ERC2: variants seen among roughly 807,000 people sequenced by gnomAD.
The protein encoded by ERC2 is ERC protein 2.
A neutral mutation model predicts 114.8 loss-of-function variants in ERC2; 42 were observed. The observed-to-expected ratio is 0.37, with a 90% CI of 0.29 to 0.47. The LOEUF (loss-of-function observed/expected upper bound fraction) is 0.47, where lower values mean the gene tolerates loss of function less well. Ranked by LOEUF, ERC2 falls within the 20% of genes least tolerant of loss-of-function variation. The pLI is 0.99. For missense variants in ERC2, 939 were observed against 1,150.7 expected (o/e 0.82, Z 2.66); for synonymous variants, 454 against 425.5 (o/e 1.07, Z -0.82).
chr3:55,950,677 T>A, intron 12 of ERC2, 117 bp from the exon 13 acceptor site: 1 of 1,095,768 alleles, frequency 9.1e-7, no homozygotes, highest in Non-Finnish European at 1.3e-6. Flanking sequence ...GGGAAAAAGA[T>A]GATACTTCTG....
chr3:56,142,244 C>T (rs902571252), intron 5 of ERC2, among the ~76,000 whole-genome samples: 1 of 152,112 alleles, frequency 6.6e-6, no homozygotes, highest in Non-Finnish European at 1.5e-5. Context: ...ATCCTTATAT[C>T]AATAGCATTT....
intron 3 of ERC2, among the ~76,000 whole-genome samples, chr3:56,233,637 A>G (rs556257829): frequency 1.3e-4 from 19 of 151,140 alleles, no homozygotes; most frequent in East Asian, 3.9e-4. Flanking sequence ...AAAAAAAAAC[A>G]TTTTTGCTCT....
At chr3:55,961,406 A>G (rs2068353153) in intron 12 of ERC2, among the ~76,000 whole-genome samples, 1 of 152,134 alleles carries the variant, frequency 6.6e-6, no homozygotes, top group Non-Finnish European at 1.5e-5. Context: ...TGGCCTATCA[A>G]GAAATTTAGG....
intron 15 of ERC2, among the ~76,000 whole-genome samples, chr3:55,733,035 T>C (rs902631807): frequency 6.6e-6 from 1 of 152,154 alleles, no homozygotes; most frequent in African/African-American, 2.4e-5. Context: ...CAGTGGTACT[T>C]GGCCGTAATA....
chr3:56,030,893 G>A (rs1197527915), intron 7 of ERC2, among the ~76,000 whole-genome samples: 1 of 152,194 alleles, frequency 6.6e-6, no homozygotes, highest in Non-Finnish European at 1.5e-5. Flanking sequence ...AGGCAGTGCA[G>A]CATGGGGAGA....
chr3:55,953,932 C>G (rs1327105746), intron 12 of ERC2, among the ~76,000 whole-genome samples: 1 of 152,032 alleles, frequency 6.6e-6, no homozygotes, highest in African/African-American at 2.4e-5. Context: ...GTACAGCTTT[C>G]AAATGTCTCC....
chr3:55,724,112 CA>C (rs147986547), intron 15 of ERC2, among the ~76,000 whole-genome samples: 5,034 of 152,262 alleles, frequency 0.033, 265 homozygotes, highest in African/African-American at 0.11. Context: ...GAATGAAACA[CA>C]AAGGCTGCAG....
intron 14 of ERC2, among the ~76,000 whole-genome samples, chr3:55,756,936 A>G (rs922361322): frequency 1.3e-5 from 2 of 152,190 alleles, no homozygotes; most frequent in African/African-American, 2.4e-5. Flanking sequence ...AAAAAAAAGT[A>G]TACCCAAATC....
chr3:56,037,347 G>A (rs6762725), intron 7 of ERC2, among the ~76,000 whole-genome samples: 179 of 152,314 alleles, frequency 1.2e-3, no homozygotes, highest in African/African-American at 4.2e-3. Context: ...CCGGTTTAGA[G>A]AGGAACATAA....
chr3:55,842,345 C>G (rs756622213), intron 14 of ERC2, among the ~76,000 whole-genome samples: 2 of 152,102 alleles, frequency 1.3e-5, no homozygotes, highest in Non-Finnish European at 2.9e-5. Context: ...TGAGCTGAGA[C>G]AAGCTTACAA....
chr3:56,027,597 T>G (rs1052300063), intron 7 of ERC2, among the ~76,000 whole-genome samples: 2 of 152,242 alleles, frequency 1.3e-5, no homozygotes, highest in Admixed American at 1.3e-4. Context: ...TTCATGTGCT[T>G]ATTTACTGTC....
chr3:55,600,490 T>C (rs1452259770), intron 17 of ERC2, among the ~76,000 whole-genome samples: 1 of 152,184 alleles, frequency 6.6e-6, no homozygotes, highest in Admixed American at 6.5e-5. Context: ...GGGGGAAACA[T>C]TCACGTCTGC....
intron 17 of ERC2, among the ~76,000 whole-genome samples, chr3:55,537,681 A>G (rs2054088481): frequency 1.3e-5 from 2 of 152,222 alleles, no homozygotes; most frequent in African/African-American, 4.8e-5. Flanking sequence ...AAGAAATCAT[A>G]AGCTGTCTTG....
At chr3:56,014,218 G>A (rs2073151392) in intron 8 of ERC2, among the ~76,000 whole-genome samples, 1 of 152,182 alleles carries the variant, frequency 6.6e-6, no homozygotes, top group Admixed American at 6.5e-5. Flanking sequence ...GAACTTGAAT[G>A]TTTTGAAATA....
rs563317657 is a variant in ERC2 at position 56,396,357 on chromosome 3, T to C, written c.657+37994A>G. ...TTAAAATAATGAATGGAGCCAGGCA[T>C]GGTGGAGTGGCTTGGAAGGCTGAGG... is the stretch of plus-strand genomic sequence containing the variant. On this transcript the variant is annotated intron_variant, in intron 2 of 17. Transcript: ENST00000288221. 3.9e-5 allele frequency among the ~76,000 whole-genome samples: 6 copies of C among 152,262 alleles called. No individual in the cohort carries two copies. The South Asian group carries it at 8.3e-4, about 21-fold the overall frequency.
intron 3 of ERC2, among the ~76,000 whole-genome samples, chr3:56,213,342 T>C (rs2049205807): frequency 6.6e-6 from 1 of 152,162 alleles, no homozygotes; most frequent in African/African-American, 2.4e-5. Context: ...CCTATGGTCT[T>C]AGCAAACGGC....
At chr3:55,722,229 T>C (rs1213267636) in intron 15 of ERC2, among the ~76,000 whole-genome samples, 2 of 60,098 alleles carry the variant, frequency 3.3e-5, no homozygotes, top group Non-Finnish European at 5.8e-5. Context: ...GGTTGTTGTA[T>C]GCATATTAAA....
At chr3:56,308,304 C>G (rs2056349677) in intron 2 of ERC2, among the ~76,000 whole-genome samples, 1 of 152,170 alleles carries the variant, frequency 6.6e-6, no homozygotes, top group Admixed American at 6.5e-5. Context: ...TCATCTTGAA[C>G]AACTCATATA....
chr3:56,103,564 G>A (rs780476058), intron 6 of ERC2, among the ~76,000 whole-genome samples: 1 of 152,020 alleles, frequency 6.6e-6, no homozygotes, highest in East Asian at 1.9e-4. Flanking sequence ...TGACGCCCAG[G>A]GACATTTGGC....
Sources: allele counts gnomAD v4.1 joint callset (sites outside exome capture counted in the v4.1 genomes callset), GRCh38; gene constraint gnomAD v4.1.1; transcripts MANE v1.5; gene names NCBI Gene and HGNC (gene_info 2026-07-23, HGNC 2026-07-21).